The following ADAMTSL3 variants were observed in gnomAD, a reference collection of about 807,000 sequenced individuals.
The protein encoded by ADAMTSL3 is ADAMTS like 3, also known as ADAMTS-like protein 3.
ADAMTSL3 carries 128 observed loss-of-function variants against 201.7 expected under a neutral mutation model. The observed-to-expected ratio is 0.63, with a 90% CI of 0.55 to 0.73. ADAMTSL3 has a LOEUF of 0.73. Ranked by LOEUF, ADAMTSL3 falls within the 30% of genes least tolerant of loss-of-function variation. The pLI, the probability that ADAMTSL3 is intolerant of heterozygous loss-of-function variation, is 0.00. For missense variants in ADAMTSL3, 1,990 were observed against 2,119.6 expected (o/e 0.94, Z 1.20); for synonymous variants, 738 against 748.4 (o/e 0.99, Z 0.23).
At chr15:83,733,647 G>T (rs773405659) in intron 3 of ADAMTSL3, among the ~76,000 whole-genome samples, 1 of 152,096 alleles carries the variant, frequency 6.6e-6, no homozygotes, top group Non-Finnish European at 1.5e-5. Flanking sequence ...TGATCGCACC[G>T]TACTTGCTAA....
intron 19 of ADAMTSL3, among the ~76,000 whole-genome samples, chr15:83,964,403 CT>C (rs1306464689): frequency 6.6e-6 from 1 of 151,464 alleles, no homozygotes; most frequent in Non-Finnish European, 1.5e-5. Flanking sequence ...AGCCAAATTG[CT>C]CAAGCAGAAC....
intron 15 of ADAMTSL3, among the ~76,000 whole-genome samples, chr15:83,903,928 A>AGGGAGGGAGTGAGGGAGGGAGG (rs1567226013): frequency 1.6e-5 from 1 of 63,646 alleles, no homozygotes; most frequent in African/African-American, 7.6e-5. Context: ...AAAAAAAAAA[A>AGGGAGGGAGTGAGGGAGGGAGG]AAAAAAAAAA....
intron 5 of ADAMTSL3, among the ~76,000 whole-genome samples, chr15:83,815,191 TAG>T (rs1490483276): frequency 6.6e-6 from 1 of 152,218 alleles, no homozygotes; most frequent in African/African-American, 2.4e-5. Context: ...TCTATCAGGT[TAG>T]AGTCAAGTCT....
At chr15:83,708,603 C>T (rs553710050) in intron 3 of ADAMTSL3, among the ~76,000 whole-genome samples, 1 of 152,352 alleles carries the variant, frequency 6.6e-6, no homozygotes, top group Admixed American at 6.5e-5. Context: ...GCTTCTACCA[C>T]TAATCAGCTT....
chr15:83,899,611 T>C, intron 14 of ADAMTSL3, 36 bp from the exon 15 acceptor site: 1 of 1,591,056 alleles, frequency 6.3e-7, no homozygotes, highest in Non-Finnish European at 8.6e-7. Context: ...TGATTAATAG[T>C]AATTAGGCTC....
At chr15:83,734,542 A>G (rs559992093) in intron 3 of ADAMTSL3, among the ~76,000 whole-genome samples, 2 of 152,296 alleles carry the variant, frequency 1.3e-5, no homozygotes, top group South Asian at 2.1e-4. Flanking sequence ...AAATAGCTGT[A>G]GCTATTCAGC....
Position 84,038,103 on chromosome 15 carries a change from G to A in ADAMTSL3, c.*297G>A. ...AATCGAGAAATCACCAAGATTATGA[G>A]TGCATCCTCACGTGCTGCCTCTTTC... On this transcript the variant is annotated 3_prime_UTR_variant, in exon 30 of 30. Coordinates refer to ENST00000286744, the MANE Select transcript of ADAMTSL3 (RefSeq NM_207517.3). The A allele has an allele frequency of 2.9e-6, 1 of 342,698 alleles. No individual in the cohort carries two copies. Among genetic ancestry groups the A allele is most frequent in the Non-Finnish European group, 5.3e-6 (1 of 189,490 alleles). 21.2% of individuals were successfully genotyped at this position (342,698 alleles called of 1,614,324 possible). A position where few individuals can be genotyped will look rare whatever the true frequency, so the allele number is the denominator to read the frequency against.
At chr15:83,746,505 A>G (rs2062550010) in intron 3 of ADAMTSL3, among the ~76,000 whole-genome samples, 1 of 152,136 alleles carries the variant, frequency 6.6e-6, no homozygotes, top group African/African-American at 2.4e-5. Context: ...TCGTATTTAA[A>G]TACATAACTG....
chr15:83,730,285 C>A (rs551595522), intron 3 of ADAMTSL3, among the ~76,000 whole-genome samples: 21 of 152,198 alleles, frequency 1.4e-4, no homozygotes. Context: ...ATATTGATTG[C>A]CCAGAGAAGG....
intron 3 of ADAMTSL3, among the ~76,000 whole-genome samples, chr15:83,720,238 TAAAG>T (rs992881277): frequency 1.3e-5 from 2 of 151,858 alleles, no homozygotes; most frequent in African/African-American, 4.8e-5. Context: ...AATAAATAAA[TAAAG>T]AGAGAAAACA....
At chr15:83,730,367 A>G (rs566846553) in intron 3 of ADAMTSL3, among the ~76,000 whole-genome samples, 1 of 152,220 alleles carries the variant, frequency 6.6e-6, no homozygotes, top group South Asian at 2.1e-4. Context: ...AGGTGGAGGA[A>G]CTACAGGAAT....
intron 4 of ADAMTSL3, among the ~76,000 whole-genome samples, chr15:83,788,095 A>G (rs2063292732): frequency 6.6e-6 from 1 of 152,124 alleles, no homozygotes; most frequent in East Asian, 1.9e-4. Flanking sequence ...CACTAGAGTC[A>G]ATAATTACCT....
intron 20 of ADAMTSL3, among the ~76,000 whole-genome samples, chr15:83,982,056 C>T (rs2067393078): frequency 6.6e-6 from 1 of 152,206 alleles, no homozygotes; most frequent in Admixed American, 6.5e-5. Context: ...CTCATTCACA[C>T]TTGCATTCTT....
At chr15:83,712,420 A>T (rs1439155691) in intron 3 of ADAMTSL3, among the ~76,000 whole-genome samples, 1 of 152,086 alleles carries the variant, frequency 6.6e-6, no homozygotes, top group African/African-American at 2.4e-5. Flanking sequence ...CTCACAACCC[A>T]AGTGCTACAC....
rs972633866 is a variant in ADAMTSL3 at position 83,745,804 on chromosome 15, T to C, written c.190-27719T>C. Among the ~76,000 whole-genome samples, 4 of 152,232 alleles carry C rather than the reference T, an allele frequency of 2.6e-5. No homozygotes were observed. In the East Asian group the frequency reaches 5.8e-4, roughly 22 times the overall value. On this transcript the variant is annotated intron_variant, in intron 3 of 29. Transcript: ENST00000286744. ...GTGACACTTGGTTTATCTGGTGCCA[T>C]TGGGCAAAATGTGTTATGAATAAAT...
intron 2 of ADAMTSL3, among the ~76,000 whole-genome samples, chr15:83,676,751 A>C (rs1488245075): frequency 6.6e-6 from 1 of 152,202 alleles, no homozygotes; most frequent in Non-Finnish European, 1.5e-5. Flanking sequence ...TCAACTCATG[A>C]GGGCAAGCCC....
At chr15:83,731,884 T>C (rs1260406910) in intron 3 of ADAMTSL3, among the ~76,000 whole-genome samples, 3 of 151,956 alleles carry the variant, frequency 2.0e-5, no homozygotes, top group African/African-American at 4.8e-5. Context: ...AATCTAAAGA[T>C]TATATAGCAA....
intron 9 of ADAMTSL3, among the ~76,000 whole-genome samples, chr15:83,871,655 T>TGA (rs1164843277): frequency 9.2e-5 from 14 of 152,200 alleles, no homozygotes; most frequent in African/African-American, 3.4e-4. Context: ...TCTGGAACCA[T>TGA]GAGCCTGTGT....
chr15:83,994,280 G>A (rs2067636085), intron 23 of ADAMTSL3, among the ~76,000 whole-genome samples: 1 of 152,200 alleles, frequency 6.6e-6, no homozygotes, highest in Non-Finnish European at 1.5e-5. Flanking sequence ...GCTATTAGAG[G>A]ACACTGGTGT....
Sources: allele counts gnomAD v4.1 joint callset (sites outside exome capture counted in the v4.1 genomes callset), GRCh38; gene constraint gnomAD v4.1.1; transcripts MANE v1.5; gene names NCBI Gene and HGNC (gene_info 2026-07-23, HGNC 2026-07-21).